ARMC8: variants seen among roughly 807,000 people sequenced by gnomAD.
The protein encoded by ARMC8 is armadillo repeat-containing protein 8.
Under a neutral mutation model 99.3 loss-of-function variants are expected in ARMC8, and 20 were observed. The observed-to-expected ratio is 0.20, with a 90% CI of 0.14 to 0.29. The LOEUF (loss-of-function observed/expected upper bound fraction) is 0.29, where lower values mean the gene tolerates loss of function less well. Ranked by LOEUF, ARMC8 falls within the 10% of genes least tolerant of loss-of-function variation. The pLI is 1.00. For synonymous variants in ARMC8, 263 were observed against 278.3 expected (o/e 0.95, Z 0.55); for missense variants, 569 against 809.5 (o/e 0.70, Z 3.60).
chr3:138,234,659 A>G (rs948193959), intron 6 of ARMC8, among the ~76,000 whole-genome samples: 2 of 152,212 alleles, frequency 1.3e-5, no homozygotes, highest in Admixed American at 6.5e-5. Context: ...TAGGGCAATA[A>G]TGTGCACATG....
chr3:138,255,469 T>A (rs933082963), intron 12 of ARMC8, among the ~76,000 whole-genome samples: 5 of 151,866 alleles, frequency 3.3e-5, no homozygotes, highest in Non-Finnish European at 5.9e-5. Flanking sequence ...CCCAAAGTGC[T>A]GGGATTACAG....
At chr3:138,207,718 C>G (rs748630849) in intron 1 of ARMC8, among the ~76,000 whole-genome samples, 2 of 152,096 alleles carry the variant, frequency 1.3e-5, no homozygotes, top group African/African-American at 2.4e-5. Flanking sequence ...TATGTTCGTA[C>G]AGTTATTTGT....
chr3:138,211,198 C>T (rs1281349538), intron 2 of ARMC8, among the ~76,000 whole-genome samples: 1 of 152,166 alleles, frequency 6.6e-6, no homozygotes, highest in Non-Finnish European at 1.5e-5. Context: ...CTTCCTTAGA[C>T]AGATACTCTC....
intron 2 of ARMC8, among the ~76,000 whole-genome samples, chr3:138,217,176 C>T (rs2045101271): frequency 6.6e-6 from 1 of 152,120 alleles, no homozygotes. Flanking sequence ...TGATGCATTT[C>T]TCAGAACATA....
rs34087212 is a variant in ARMC8, at chr3:138,200,904, CTTTTTTTTTTTT to C, written c.46-8898_46-8887del. Among the ~76,000 whole-genome samples the C allele has an allele frequency of 8.2e-4, 52 of 63,384 alleles. 1 individual carries two copies. In the East Asian group the frequency reaches 0.028, roughly 34 times the overall value. 41.6% of individuals were successfully genotyped at this position (63,384 alleles called of 152,430 possible). A position where few individuals can be genotyped will look rare whatever the true frequency, so the allele number is the denominator to read the frequency against. Reference sequence around the variant, plus strand: ...TGAAATGTACACACCCTTCAGTGGGCTTTTTTTTTTTTTTTTTTTTTTTTTTGAAATGGAGTC... The same window carrying C: ...TGAAATGTACACACCCTTCAGTGGGCTTTTTTTTTTTTTTGAAATGGAGTC... On this transcript the variant is annotated intron_variant, in intron 1 of 21. Transcript: ENST00000469044.
In ARMC8 at chr3:138,187,432, G is replaced by GT; in HGVS notation, c.-122dup. The GT allele has an allele frequency of 2.1e-6, 2 of 952,500 alleles. No homozygotes were observed. The highest frequency in any genetic ancestry group is 3.2e-6 in the Non-Finnish European group (2 of 629,884). The allele number at this position is 952,500 out of a possible 1,614,324, so 59.0% of individuals were successfully genotyped here. A position where few individuals can be genotyped will look rare whatever the true frequency, so the allele number is the denominator to read the frequency against. The stretch of plus-strand genomic sequence containing the variant: ...CCGGTACTTGAGCGGTGTCCAGAGC[G>GT]TGGCCAGTTCTCGTCTATCTGGCTG... On this transcript the variant is annotated 5_prime_UTR_variant, in exon 1 of 22. Coordinates refer to ENST00000469044, the MANE Select transcript of ARMC8 (RefSeq NM_001363941.2).
chr3:138,219,226 G>C (rs1284052996), intron 2 of ARMC8, among the ~76,000 whole-genome samples: 1 of 152,240 alleles, frequency 6.6e-6, no homozygotes, highest in Non-Finnish European at 1.5e-5. Context: ...ATCTTGGATA[G>C]TGTTGTTGTG....
intron 2 of ARMC8, among the ~76,000 whole-genome samples, chr3:138,216,706 T>C (rs1272998727): frequency 6.6e-6 from 1 of 152,220 alleles, no homozygotes; most frequent in East Asian, 1.9e-4. Flanking sequence ...GAATGTTTTA[T>C]AAACAGTGAG....
At chr3:138,275,815 C>T (rs1039089733) in intron 18 of ARMC8, among the ~76,000 whole-genome samples, 2 of 152,120 alleles carry the variant, frequency 1.3e-5, no homozygotes, top group African/African-American at 4.8e-5. Flanking sequence ...GATTTTAAGA[C>T]AGATATTTTA....
chr3:138,262,485 C>A (rs527384088), intron 12 of ARMC8: 1 of 1,576,656 alleles, frequency 6.3e-7, no homozygotes, highest in Non-Finnish European at 8.6e-7. Context: ...GCTGAAACAT[C>A]CTGAGGTTTT....
At chr3:138,263,992 A>G (rs987217394) in intron 13 of ARMC8, 139 bp from the exon 14 acceptor site, 3 of 956,028 alleles carry the variant, frequency 3.1e-6, no homozygotes, top group Non-Finnish European at 3.3e-6. Context: ...TCCAAACCCC[A>G]TAAAGTGGTC....
chr3:138,263,591 C>G, intron 12 of ARMC8, 148 bp from the exon 13 acceptor site: 1 of 716,226 alleles, frequency 1.4e-6, no homozygotes, highest in East Asian at 2.6e-5. Context: ...GCTGCCCGCC[C>G]CCAGCGCAAG....
At chr3:138,263,168 G>C (rs973059033) in intron 12 of ARMC8, among the ~76,000 whole-genome samples, 2 of 152,226 alleles carry the variant, frequency 1.3e-5, no homozygotes, top group African/African-American at 4.8e-5. Flanking sequence ...AAGGAAAATT[G>C]CAGGTTATCT....
intron 17 of ARMC8, among the ~76,000 whole-genome samples, chr3:138,273,377 G>A (rs1392314792): frequency 2.6e-5 from 4 of 152,170 alleles, no homozygotes; most frequent in African/African-American, 9.7e-5. Context: ...AGGAAAACAT[G>A]ACCAGTGCCT....
chr3:138,231,485 T>TA (rs1308473933), intron 6 of ARMC8, among the ~76,000 whole-genome samples: 2 of 152,162 alleles, frequency 1.3e-5, no homozygotes, highest in East Asian at 3.8e-4. Flanking sequence ...TAATCATAAT[T>TA]ATATTTTTGA....
chr3:138,253,781 A>G (rs888977598), intron 12 of ARMC8, among the ~76,000 whole-genome samples: 25 of 152,172 alleles, frequency 1.6e-4, no homozygotes, highest in African/African-American at 5.8e-4. Context: ...CTTACAGTTT[A>G]ATGTAGTTAG....
At chr3:138,274,362 A>C (rs1276549567) in intron 17 of ARMC8, 87 bp from the exon 18 acceptor site, 4 of 824,846 alleles carry the variant, frequency 4.8e-6, no homozygotes, top group Non-Finnish European at 6.0e-6. Context: ...GCAGTTGTGA[A>C]TCATATTGTT....
intron 17 of ARMC8, 149 bp from the exon 18 acceptor site, chr3:138,274,300 T>C (rs2049066649): frequency 1.7e-6 from 1 of 575,732 alleles, no homozygotes; most frequent in Non-Finnish European, 3.1e-6. Flanking sequence ...CAAAATATAA[T>C]AAACACTGTT....
intron 5 of ARMC8, among the ~76,000 whole-genome samples, chr3:138,226,248 C>T (rs1028246505): frequency 2.6e-5 from 4 of 152,210 alleles, no homozygotes; most frequent in Non-Finnish European, 4.4e-5. Context: ...CCCGCCTCGG[C>T]CTCCCAAAGT....
Sources: allele counts gnomAD v4.1 joint callset (sites outside exome capture counted in the v4.1 genomes callset), GRCh38; gene constraint gnomAD v4.1.1; transcripts MANE v1.5; gene names NCBI Gene and HGNC (gene_info 2026-07-23, HGNC 2026-07-21).